Variants in TDRD1 observed in about 807,000 individuals in gnomAD.
The protein encoded by TDRD1 is tudor domain-containing protein 1.
TDRD1 carries 37 observed loss-of-function variants against 140.6 expected under a neutral mutation model. The observed-to-expected ratio is 0.26, with a 90% CI of 0.20 to 0.35. TDRD1 has a LOEUF of 0.35. Among genes scored for constraint, TDRD1 ranks in the 10% least tolerant of loss-of-function variants. The pLI, the probability that TDRD1 is intolerant of heterozygous loss-of-function variation, is 1.00. For missense variants in TDRD1, 1,243 were observed against 1,393.0 expected, an observed-to-expected ratio of 0.89 and a Z score of 1.71; for synonymous variants, 506 against 475.7, an observed-to-expected ratio of 1.06 and a Z score of -0.83.
chr10:114,200,299 G>A (rs2034642807), intron 4 of TDRD1, among the ~76,000 whole-genome samples: 1 of 152,184 alleles, frequency 6.6e-6, no homozygotes, highest in African/African-American at 2.4e-5. Context: ...ATTTGGATAT[G>A]TAACTTTTTA....
At chr10:114,222,561 C>A in intron 20 of TDRD1, 26 bp from the exon 21 acceptor site, 1 of 1,477,182 alleles carries the variant, frequency 6.8e-7, no homozygotes, top group Non-Finnish European at 9.4e-7. Flanking sequence ...ATTTTCTTCA[C>A]AAAAGATTGC....
At chr10:114,230,992 A>G (rs1168239492) in intron 25 of TDRD1, among the ~76,000 whole-genome samples, 2 of 152,186 alleles carry the variant, frequency 1.3e-5, no homozygotes, top group South Asian at 2.1e-4. Flanking sequence ...GCTTGAACCC[A>G]GGAGCCGAAG....
chr10:114,193,297 T>C (rs2034115874), intron 3 of TDRD1, among the ~76,000 whole-genome samples: 1 of 148,900 alleles, frequency 6.7e-6, no homozygotes, highest in African/African-American at 2.5e-5. Context: ...GTCTTTTTTT[T>C]TTTTTTTTTT....
chr10:114,200,399 A>G (rs2034650532), intron 4 of TDRD1, among the ~76,000 whole-genome samples: 1 of 151,982 alleles, frequency 6.6e-6, no homozygotes, highest in South Asian at 2.1e-4. Flanking sequence ...TGTTTTTTAG[A>G]TAACCTGTTT....
chr10:114,214,954 G>T (rs2035718754), intron 16 of TDRD1, among the ~76,000 whole-genome samples: 1 of 152,010 alleles, frequency 6.6e-6, no homozygotes, highest in African/African-American at 2.4e-5. Flanking sequence ...TGTTAGCCAG[G>T]ATGGTCTCGA....
chr10:114,218,633 T>C (rs1488305669), intron 18 of TDRD1, 49 bp downstream of exon 18: 7 of 1,337,294 alleles, frequency 5.2e-6, no homozygotes, highest in African/African-American at 2.9e-5. Flanking sequence ...ACTTGGGGCA[T>C]ATAATCCAAG....
chr10:114,231,304 G>A (rs2036741547), intron 25 of TDRD1, among the ~76,000 whole-genome samples: 1 of 152,110 alleles, frequency 6.6e-6, no homozygotes, highest in South Asian at 2.1e-4. Context: ...ATAAACAGCT[G>A]TACTTAGCAT....
chr10:114,212,135 C>T lies in TDRD1; in HGVS notation c.1831+99C>T, dbSNP rs569648123. On this transcript the variant is annotated intron_variant, in intron 14 of 25. Transcript: ENST00000251864. The stretch of plus-strand genomic sequence containing the variant: ...AGGGAAAAGCTGCTTCTCAAAACAA[C>T]ATCATGATCAGATGCTTAAAAGTTA... The T allele has an allele frequency of 2.0e-4, 217 of 1,074,422 alleles. No individual in the cohort carries two copies. In the African/African-American group the frequency reaches 3.4e-3, roughly 17 times the overall value. 66.6% of individuals were successfully genotyped at this position (1,074,422 alleles called of 1,614,324 possible). A position where few individuals can be genotyped will look rare whatever the true frequency, so the allele number is the denominator to read the frequency against.
At chr10:114,188,063 G>A (rs2033672090) in exon 2 of TDRD1, 1 of 1,614,108 alleles carries the variant, frequency 6.2e-7, no homozygotes, top group Non-Finnish European at 8.5e-7. Context: ...ACAATATTTG[G>A]CTAGTCAGGA....
At chr10:114,183,721 G>C (rs886658185) in intron 1 of TDRD1, among the ~76,000 whole-genome samples, 4 of 42,834 alleles carry the variant, frequency 9.3e-5, no homozygotes, top group Non-Finnish European at 1.3e-4. Flanking sequence ...TTTTTTTTTT[G>C]AGACAGTCTC....
At chr10:114,198,086 G>C (rs536475143) in intron 3 of TDRD1, among the ~76,000 whole-genome samples, 1 of 152,146 alleles carries the variant, frequency 6.6e-6, no homozygotes, top group Non-Finnish European at 1.5e-5. Flanking sequence ...CAACTCGGGG[G>C]CTCTTTCTGT....
chr10:114,201,428 A>G lies in TDRD1; in HGVS notation c.548A>G (p.Gln183Arg), dbSNP rs756717007. 3 of 1,613,936 alleles carry G rather than the reference A, an allele frequency of 1.9e-6. No homozygotes were observed. In the African/African-American group the frequency reaches 4.0e-5, roughly 22 times the overall value. The stretch of plus-strand genomic sequence containing the variant: ...TTTCTAGGATCGCTGAGGTGCTCTC[A>G]GTGCAAGCAGACCTACTATTGCTCC... The change falls in exon 5 of 26, where the codon CAG (glutamine) becomes CGG (arginine). Residue 183 changes from glutamine (Q) to arginine (R), a missense_variant. Gln to Arg is a conservative substitution (Grantham distance 43). Around this residue, in one of 5 missense-constraint regions of TDRD1, gnomAD observed 237 missense variants for 215.5 expected, o/e 1.10. Coordinates refer to ENST00000251864, the Ensembl canonical transcript of TDRD1.
At chr10:114,207,389 T>C (rs1237067497) in intron 11 of TDRD1, among the ~76,000 whole-genome samples, 1 of 152,172 alleles carries the variant, frequency 6.6e-6, no homozygotes, top group African/African-American at 2.4e-5. Flanking sequence ...ATATGTCTTT[T>C]TTCTTTCTTT....
intron 3 of TDRD1, among the ~76,000 whole-genome samples, chr10:114,197,043 C>T (rs778770817): frequency 6.6e-5 from 10 of 151,654 alleles, no homozygotes; most frequent in African/African-American, 9.7e-5. Flanking sequence ...GATGGGGTTT[C>T]GCCATGTTGG....
intron 6 of TDRD1, 41 bp downstream of exon 6, chr10:114,202,339 T>G: frequency 1.5e-6 from 2 of 1,345,034 alleles, no homozygotes; most frequent in South Asian, 2.8e-5. Flanking sequence ...TAACTCCTCT[T>G]TATTGAATTA....
intron 21 of TDRD1, among the ~76,000 whole-genome samples, chr10:114,225,235 A>G (rs571613057): frequency 5.3e-5 from 8 of 152,334 alleles, no homozygotes; most frequent in African/African-American, 1.9e-4. Context: ...CATTCTCTTT[A>G]GCAACTTTAA....
intron 22 of TDRD1, among the ~76,000 whole-genome samples, chr10:114,226,631 A>T (rs11594198): frequency 0.17 from 26,329 of 152,186 alleles, 2,525 homozygotes; most frequent in African/African-American, 0.24. Context: ...ACCTTATGAA[A>T]GATAAATCTG....
chr10:114,184,887 A>T (rs760927010), intron 1 of TDRD1, among the ~76,000 whole-genome samples: 1 of 152,056 alleles, frequency 6.6e-6, no homozygotes, highest in Non-Finnish European at 1.5e-5. Flanking sequence ...GTGTATTGTG[A>T]TGAGTGAATG....
chr10:114,194,193 G>A lies in TDRD1; in HGVS notation c.384+3174G>A, dbSNP rs373732807. Among the ~76,000 whole-genome samples, 132 of 152,232 alleles carry A rather than the reference G, an allele frequency of 8.7e-4. No individual in the cohort carries two copies. The South Asian group carries it at 9.8e-3, about 11-fold the overall frequency. ...GTCTTTGTGTGGTTTGAGTATCAAGGTAGTATTAGTTTCATAAAATAAATT... is the reference window on the plus strand; with the variant it reads ...GTCTTTGTGTGGTTTGAGTATCAAGATAGTATTAGTTTCATAAAATAAATT... On this transcript the variant is annotated intron_variant, in intron 3 of 25. Coordinates refer to ENST00000251864, the Ensembl canonical transcript of TDRD1.
Sources: gnomAD v4.1 joint callset for allele counts (sites outside exome capture counted in the v4.1 genomes callset) on GRCh38, gnomAD v4.1.1 for gene constraint, gnomAD v4.1.1 regional missense constraint, MANE v1.5 for transcripts, NCBI Gene and HGNC (gene_info 2026-07-23, HGNC 2026-07-21) for gene names.